HTRA3: variants seen among roughly 807,000 people sequenced by gnomAD.
HTRA3 encodes the protein serine protease HTRA3.
Under a neutral mutation model 43.2 loss-of-function variants are expected in HTRA3, and 41 were observed. That is an observed-to-expected ratio of 0.95 (90% CI 0.74 to 1.23). The LOEUF (loss-of-function observed/expected upper bound fraction) is 1.23. HTRA3 is among the 50% of genes most tolerant of loss of function. The pLI is 0.00. For missense variants in HTRA3, 628 were observed against 647.1 expected, an observed-to-expected ratio of 0.97 and a Z score of 0.32; for synonymous variants, 295 against 287.9, an observed-to-expected ratio of 1.02 and a Z score of -0.25.
chr4:8,291,628 T>TTGA, intron 4 of HTRA3, 64 bp downstream of exon 4: 7 of 1,293,862 alleles, frequency 5.4e-6, no homozygotes, highest in Non-Finnish European at 7.4e-6. Context: ...AACCTCGAGG[T>TTGA]GGTCTCTGAC....
rs1016934320 is a variant in HTRA3 at position 8,278,982 on chromosome 4, C to T, written c.386-3455C>T. Among the ~76,000 whole-genome samples the T allele has an allele frequency of 5.9e-5, 9 of 152,162 alleles. No individual in the cohort carries two copies. The East Asian group carries it at 1.2e-3, about 20-fold the overall frequency. ...ACTTCTCTCCCTTCTCTCTATCTTC[C>T]TCCCCTCCTCTCTCCGCCCCTCCTC... On this transcript the variant is annotated intron_variant, in intron 1 of 8. Coordinates refer to ENST00000307358, the MANE Select transcript of HTRA3 (RefSeq NM_053044.5).
chr4:8,288,612 A>C (rs1578798407), intron 3 of HTRA3, among the ~76,000 whole-genome samples: 2 of 115,904 alleles, frequency 1.7e-5, no homozygotes, highest in African/African-American at 3.4e-5. Flanking sequence ...TTGCTCTGTC[A>C]CCCAGGCTGG....
At position 8,306,198 on chromosome 4, in the gene HTRA3, C is replaced by T. The variant is rs560413560; in HGVS notation, c.*62C>T. ...CAGACAACGGAGGGCAGCGCCCCCCCGAGATCAGGACGAAGGACCACCGTC... is the reference window on the plus strand; with the variant it reads ...CAGACAACGGAGGGCAGCGCCCCCCTGAGATCAGGACGAAGGACCACCGTC... On this transcript the variant is annotated 3_prime_UTR_variant, in exon 9 of 9. Coordinates refer to ENST00000307358, the MANE Select transcript of HTRA3 (RefSeq NM_053044.5). The surrounding 1 kb of genome is among the most constrained non-coding windows in gnomAD (Gnocchi z 8.9). The T allele has an allele frequency of 1.1e-5, 17 of 1,489,898 alleles. No homozygotes were observed. Among genetic ancestry groups the T allele is most frequent in the Admixed American group, 6.3e-5 (3 of 47,300 alleles). The allele number at this position is 1,489,898 out of a possible 1,614,324, so 92.3% of individuals were successfully genotyped here.
At chr4:8,290,618 C>T (rs185801405) in intron 3 of HTRA3, among the ~76,000 whole-genome samples, 1 of 152,084 alleles carries the variant, frequency 6.6e-6, no homozygotes, top group Non-Finnish European at 1.5e-5. Flanking sequence ...CCCAATTTAT[C>T]GTGTGTGTGT....
At chr4:8,301,430 TCA>T (rs1713653242) in intron 6 of HTRA3, among the ~76,000 whole-genome samples, 1 of 151,716 alleles carries the variant, frequency 6.6e-6, no homozygotes. Context: ...TATTATTGAC[TCA>T]CACTCAGCTT....
rs1713470130 is a variant in HTRA3, at chr4:8,296,705, T to C, written c.1051+2504T>C. On this transcript the variant is annotated intron_variant, in intron 6 of 8. Coordinates refer to ENST00000307358, the MANE Select transcript of HTRA3 (RefSeq NM_053044.5). The surrounding 1 kb of genome is among the most constrained non-coding windows in gnomAD (Gnocchi z 5.3). Reference sequence around the variant, plus strand: ...GGGGTGGTGTGGGGTGTTTGATTCATGGAGTGGGGCCGTTTGTGGGCATCT... The same window carrying C: ...GGGGTGGTGTGGGGTGTTTGATTCACGGAGTGGGGCCGTTTGTGGGCATCT... 6.6e-6 allele frequency among the ~76,000 whole-genome samples: 1 copy of C among 152,114 alleles called. No homozygotes were observed. The highest frequency in any genetic ancestry group is 6.5e-5 in the Admixed American group (1 of 15,282).
chr4:8,291,516 C>G lies in HTRA3; in HGVS notation c.855C>G (p.Gly285=), dbSNP rs748008816. ...CCCAGCGGGAGGGCAGGGAGCTGGG[C>G]CTCCGGGACTCCGACATGGACTACA... ...STAQREGREL[G]LRDSDMDYIQ... Residue 285 remains glycine (G), a synonymous_variant, in exon 4 of 9, where the codon GGC becomes GGG. Transcript: ENST00000307358. 1 of 1,611,656 alleles carries G rather than the reference C, an allele frequency of 6.2e-7. No individual in the cohort carries two copies. The highest frequency in any genetic ancestry group is 8.5e-7 in the Non-Finnish European group (1 of 1,179,182).
intron 7 of HTRA3, among the ~76,000 whole-genome samples, chr4:8,303,554 C>T (rs537623321): frequency 6.6e-6 from 1 of 152,248 alleles, no homozygotes; most frequent in East Asian, 1.9e-4. Context: ...GTGACCATTT[C>T]CTCAAAGCAC....
chr4:8,276,233 C>G (rs888215192), intron 1 of HTRA3, among the ~76,000 whole-genome samples: 5 of 152,228 alleles, frequency 3.3e-5, no homozygotes, highest in Non-Finnish European at 5.9e-5. Context: ...CAGCTCTGCC[C>G]CAGAAGTCTC....
chr4:8,272,841 C>G (rs144237375), intron 1 of HTRA3, among the ~76,000 whole-genome samples: 1,550 of 152,330 alleles, frequency 0.01, 28 homozygotes, highest in African/African-American at 0.035. Flanking sequence ...GGAGGGGAGG[C>G]AGAGAGTGCA....
Position 8,270,056 on chromosome 4 carries a change from G to A in HTRA3, c.88G>A (p.Asp30Asn), listed in dbSNP as rs1171276249. Residue 30 changes from aspartate (D) to asparagine (N), a missense_variant, in exon 1 of 9, where the codon GAC becomes AAC. Asp to Asn is a conservative substitution (Grantham distance 23). Coordinates refer to ENST00000307358, the MANE Select transcript of HTRA3 (RefSeq NM_053044.5). ...PPAAPCPARC[D>N]VSRCPSPRCP... ...TGCGGCGCCGTGTCCCGCGCGCTGC[G>A]ACGTGTCGCGGTGTCCCAGCCCCCG... 2 of 1,474,572 alleles carry A rather than the reference G, an allele frequency of 1.4e-6. No individual in the cohort carries two copies. Among genetic ancestry groups the A allele is most frequent in the African/African-American group, 2.9e-5 (2 of 68,498 alleles). The allele number at this position is 1,474,572 out of a possible 1,614,324, so 91.3% of individuals were successfully genotyped here. A position where few individuals can be genotyped will look rare whatever the true frequency, so the allele number is the denominator to read the frequency against.
chr4:8,274,319 G>C (rs1343646515), intron 1 of HTRA3, among the ~76,000 whole-genome samples: 1 of 152,194 alleles, frequency 6.6e-6, no homozygotes, highest in Non-Finnish European at 1.5e-5. Context: ...CACCGCCCCT[G>C]AGCCACCTGC....
intron 1 of HTRA3, among the ~76,000 whole-genome samples, chr4:8,274,182 T>A (rs1712425205): frequency 6.6e-6 from 1 of 152,264 alleles, no homozygotes; most frequent in Admixed American, 6.5e-5. Flanking sequence ...CCCTGTGCTC[T>A]GGCCTCATGG....
chr4:8,278,833 G>A (rs745556209), intron 1 of HTRA3, among the ~76,000 whole-genome samples: 1 of 152,248 alleles, frequency 6.6e-6, no homozygotes, highest in Non-Finnish European at 1.5e-5. Flanking sequence ...ATGGGCGAGT[G>A]CTGCTGCTTT....
At chr4:8,272,113 C>T (rs1027825538) in intron 1 of HTRA3, among the ~76,000 whole-genome samples, 2 of 152,164 alleles carry the variant, frequency 1.3e-5, no homozygotes, top group South Asian at 2.1e-4. Context: ...CGCTCCCCAC[C>T]GTGGAAGGCA....
rs143122045 is a variant in HTRA3, at chr4:8,306,004, G to A, written c.1230G>A (p.Lys410=). 5.0e-5 allele frequency: 80 copies of A among 1,612,334 alleles called. 1 individual carries two copies. Among genetic ancestry groups the A allele is most frequent in the Non-Finnish European group, 6.4e-5 (76 of 1,179,672 alleles). ...GGIQDGDIIV[K]VNGRPLVDSS... Reference sequence around the variant, plus strand: ...TCCAAGATGGTGACATCATCGTCAAGGTCAACGGGCGTCCTCTAGTGGACT... The same window carrying A: ...TCCAAGATGGTGACATCATCGTCAAAGTCAACGGGCGTCCTCTAGTGGACT... Residue 410 remains lysine (K), a synonymous_variant, in exon 9 of 9, where the codon AAG becomes AAA. Coordinates refer to ENST00000307358, the MANE Select transcript of HTRA3 (RefSeq NM_053044.5). This position sits in a 1 kb window ranked among gnomAD's most constrained non-coding sequence, Gnocchi z 8.9.
chr4:8,290,118 G>A (rs1417011906), intron 3 of HTRA3, among the ~76,000 whole-genome samples: 1 of 152,358 alleles, frequency 6.6e-6, no homozygotes, highest in Admixed American at 6.5e-5. Flanking sequence ...TGCAGGCCTG[G>A]TTCCGCCACC....
chr4:8,287,242 C>A (rs1179464320), intron 3 of HTRA3, among the ~76,000 whole-genome samples: 1 of 152,174 alleles, frequency 6.6e-6, no homozygotes, highest in Admixed American at 6.5e-5. Context: ...CCAGAAGAGG[C>A]CTGCACTGAG....
Position 8,270,037 on chromosome 4 carries a change from G to T in HTRA3, c.69G>T (p.Ala23=). 2.8e-6 allele frequency: 4 copies of T among 1,405,178 alleles called. No individual in the cohort carries two copies. The highest frequency in any genetic ancestry group is 3.7e-6 in the Non-Finnish European group (4 of 1,084,544). The allele number at this position is 1,405,178 out of a possible 1,614,324, so 87.0% of individuals were successfully genotyped here. Reference sequence around the variant, plus strand: ...CGCTGGCCCGGGAGCCCCCTGCGGCGCCGTGTCCCGCGCGCTGCGACGTGT... The same window carrying T: ...CGCTGGCCCGGGAGCCCCCTGCGGCTCCGTGTCCCGCGCGCTGCGACGTGT... The part of the protein sequence containing the change: ...ALALAREPPA[A]PCPARCDVSR... Residue 23 remains alanine, a synonymous_variant, in exon 1 of 9, where the codon GCG becomes GCT. Coordinates refer to ENST00000307358, the MANE Select transcript of HTRA3 (RefSeq NM_053044.5).
Sources: allele counts gnomAD v4.1 joint callset (sites outside exome capture counted in the v4.1 genomes callset), GRCh38; gene constraint gnomAD v4.1.1; non-coding constraint Gnocchi (gnomAD v3.1); transcripts MANE v1.5; gene names NCBI Gene and HGNC (gene_info 2026-07-23, HGNC 2026-07-21).